Variants in KIF16B observed in about 807,000 individuals in gnomAD.
KIF16B encodes kinesin-like protein KIF16B.
In KIF16B, 98 loss-of-function variants were observed where a neutral mutation model predicts 156.3. The ratio of observed to expected loss-of-function variants is 0.63; its 90% confidence interval spans 0.53 to 0.74. The LOEUF is 0.74. KIF16B is among the 30% of genes least tolerant of loss of function. The pLI is 0.00. For missense variants in KIF16B, 1,421 were observed against 1,606.5 expected (o/e 0.88, Z 1.97); for synonymous variants, 564 against 583.7 (o/e 0.97, Z 0.49).
At chr20:16,562,403 G>A (rs1415084022) in intron 1 of KIF16B, among the ~76,000 whole-genome samples, 1 of 152,086 alleles carries the variant, frequency 6.6e-6, no homozygotes, top group Non-Finnish European at 1.5e-5. Flanking sequence ...CCAGGCTCTT[G>A]CTCAGCCCTC....
chr20:16,541,538 C>A (rs1476633319), intron 1 of KIF16B, among the ~76,000 whole-genome samples: 1 of 152,214 alleles, frequency 6.6e-6, no homozygotes, highest in African/African-American at 2.4e-5. Context: ...CCTCTGTCTG[C>A]CACAACAGGA....
At chr20:16,492,929 A>G (rs911306515) in intron 12 of KIF16B, among the ~76,000 whole-genome samples, 1 of 152,214 alleles carries the variant, frequency 6.6e-6, no homozygotes, top group Non-Finnish European at 1.5e-5. Flanking sequence ...TCAGGGGCTG[A>G]GGCACCAACA....
intron 12 of KIF16B, among the ~76,000 whole-genome samples, chr20:16,471,511 G>A (rs868865345): frequency 1.2e-4 from 19 of 152,296 alleles, no homozygotes; most frequent in South Asian, 1.2e-3. Context: ...GCCTCACAAT[G>A]ATATAATCTT....
intron 25 of KIF16B, among the ~76,000 whole-genome samples, chr20:16,296,469 C>T (rs1405964469): frequency 6.6e-6 from 1 of 152,202 alleles, no homozygotes; most frequent in Non-Finnish European, 1.5e-5. Flanking sequence ...AAATAAACAG[C>T]ATACACAGCT....
At chr20:16,380,631 G>A (rs1193438568) in intron 18 of KIF16B, among the ~76,000 whole-genome samples, 1 of 152,194 alleles carries the variant, frequency 6.6e-6, no homozygotes. Context: ...ACAGTTCATT[G>A]TTCCAGCTAA....
intron 22 of KIF16B, chr20:16,368,368 G>C: frequency 3.0e-6 from 3 of 988,916 alleles, no homozygotes; most frequent in Non-Finnish European, 3.6e-6. Context: ...GCCAACCCGA[G>C]CTTCCGGAGA....
rs2066452673 is a variant in KIF16B, at chr20:16,429,856, T to C, written c.1422+7A>G. 2 of 1,604,370 alleles carry C rather than the reference T, an allele frequency of 1.2e-6. No homozygotes were observed. Among genetic ancestry groups the C allele is most frequent in the Non-Finnish European group, 8.5e-7 (1 of 1,176,972 alleles). ...AAATTAGAATGTTCCACTTAATCAG[T>C]TTCTACCTTTAAATGATATAAGATG... On this transcript the variant is annotated splice_region_variant and intron_variant, in intron 13 of 25. Coordinates refer to ENST00000354981, the MANE Select transcript of KIF16B (RefSeq NM_024704.5).
At chr20:16,399,351 T>TAA (rs1227972567) in intron 17 of KIF16B, among the ~76,000 whole-genome samples, 1 of 152,194 alleles carries the variant, frequency 6.6e-6, no homozygotes, top group African/African-American at 2.4e-5. Context: ...TGTGAAAAGA[T>TAA]AATACTACCA....
chr20:16,369,853 A>G (rs6080246), intron 22 of KIF16B, among the ~76,000 whole-genome samples: 149,867 of 152,340 alleles, frequency 0.98, 73,728 homozygotes, highest in East Asian at 1. Context: ...GCCAGGTACT[A>G]TGGACACAAA....
chr20:16,285,112 C>T (rs1001593994), intron 25 of KIF16B, among the ~76,000 whole-genome samples: 5 of 152,084 alleles, frequency 3.3e-5, no homozygotes, highest in African/African-American at 9.7e-5. Context: ...AAAATTTTAC[C>T]TTGATTTTAC....
intron 1 of KIF16B, among the ~76,000 whole-genome samples, chr20:16,559,933 T>C (rs1017647518): frequency 6.6e-6 from 1 of 152,146 alleles, no homozygotes; most frequent in African/African-American, 2.4e-5. Context: ...ATTCAAATAA[T>C]GTTGTATCAA....
Position 16,427,099 on chromosome 20 carries a change from G to C in KIF16B, c.1612+5C>G. On this transcript the variant is annotated splice_donor_5th_base_variant and intron_variant, in intron 15 of 25. Transcript: ENST00000354981. ...CAAAGACCTGTGAAAATTAAAACCA[G>C]ATACCTTGATTTAGATGTGTGGCCT... The C allele has an allele frequency of 6.3e-7, 1 of 1,594,374 alleles. No individual in the cohort carries two copies. The highest frequency in any genetic ancestry group is 8.5e-7 in the Non-Finnish European group (1 of 1,172,186).
chr20:16,441,791 T>C (rs2066807374), intron 12 of KIF16B, among the ~76,000 whole-genome samples: 1 of 152,156 alleles, frequency 6.6e-6, no homozygotes, highest in South Asian at 2.1e-4. Flanking sequence ...CCTTCTTCTG[T>C]GATTCATTCA....
intron 25 of KIF16B, among the ~76,000 whole-genome samples, chr20:16,308,186 C>T (rs1246815101): frequency 6.6e-6 from 1 of 152,148 alleles, no homozygotes; most frequent in African/African-American, 2.4e-5. Context: ...TCAACAATCA[C>T]AATAAACATC....
intron 17 of KIF16B, among the ~76,000 whole-genome samples, chr20:16,400,448 T>TA (rs2065622407): frequency 6.6e-6 from 1 of 152,182 alleles, no homozygotes; most frequent in Non-Finnish European, 1.5e-5. Flanking sequence ...GAAAATAGCA[T>TA]AGCAGTTCCT....
intron 10 of KIF16B, among the ~76,000 whole-genome samples, chr20:16,499,770 T>G (rs1271128888): frequency 6.6e-6 from 1 of 152,206 alleles, no homozygotes; most frequent in Non-Finnish European, 1.5e-5. Context: ...CAAAGACTCA[T>G]GACCAGCACC....
chr20:16,281,585 A>C (rs1220230817), intron 25 of KIF16B, among the ~76,000 whole-genome samples: 3 of 152,170 alleles, frequency 2.0e-5, no homozygotes, highest in Non-Finnish European at 4.4e-5. Context: ...AGGAATCCTA[A>C]AGTTTGGCTA....
At chr20:16,520,703 G>A (rs2069316530) in intron 3 of KIF16B, among the ~76,000 whole-genome samples, 1 of 152,200 alleles carries the variant, frequency 6.6e-6, no homozygotes, top group African/African-American at 2.4e-5. Context: ...GCCTCCTCAA[G>A]TGGGTCCCTG....
intron 4 of KIF16B, among the ~76,000 whole-genome samples, chr20:16,514,580 A>G (rs1358070123): frequency 8.1e-6 from 1 of 124,148 alleles, no homozygotes; most frequent in Non-Finnish European, 1.8e-5. Flanking sequence ...ACTAAGAAAT[A>G]AGAAAAAAAA....
Sources: gnomAD v4.1 joint callset for allele counts (sites outside exome capture counted in the v4.1 genomes callset) on GRCh38, gnomAD v4.1.1 for gene constraint, MANE v1.5 for transcripts, NCBI Gene and HGNC (gene_info 2026-07-23, HGNC 2026-07-21) for gene names.